CPEB1: variants seen among roughly 807,000 people sequenced by gnomAD.
CPEB1 encodes the protein cytoplasmic polyadenylation element binding protein 1, also known as cytoplasmic polyadenylation element-binding protein 1.
CPEB1 carries 7 observed loss-of-function variants against 65.8 expected under a neutral mutation model. That is an observed-to-expected ratio of 0.11 (90% CI 0.06 to 0.20). CPEB1 has a LOEUF of 0.20. Ranked by LOEUF, CPEB1 falls within the 10% of genes least tolerant of loss-of-function variation. The pLI, the probability that CPEB1 is intolerant of heterozygous loss-of-function variation, is 1.00. For synonymous variants in CPEB1, 262 were observed against 260.0 expected, an observed-to-expected ratio of 1.01 and a Z score of -0.08; for missense variants, 551 against 712.2, an observed-to-expected ratio of 0.77 and a Z score of 2.58.
chr15:82,644,570 G>C (rs1237144873), intron 1 of CPEB1, among the ~76,000 whole-genome samples: 1 of 152,106 alleles, frequency 6.6e-6, no homozygotes, highest in Admixed American at 6.5e-5. Flanking sequence ...ACATTTAAAA[G>C]TCAGGAGATC....
In CPEB1 at chr15:82,614,626, C is replaced by T. The variant is rs962208081; in HGVS notation, c.271+12567G>A. ...ATGAGGGCCTTTTTCAGCTTAGGCACCCAGTTTGAGAGAATGTATTCATTA... is the reference window on the plus strand; with the variant it reads ...ATGAGGGCCTTTTTCAGCTTAGGCATCCAGTTTGAGAGAATGTATTCATTA... On this transcript the variant is annotated intron_variant, in intron 3 of 12. Transcript: ENST00000684509. Among the ~76,000 whole-genome samples, 4 of 151,944 alleles carry T rather than the reference C, an allele frequency of 2.6e-5. No homozygotes were observed. The East Asian group carries it at 7.7e-4, about 29-fold the overall frequency.
chr15:82,580,235 C>A (rs558954858), intron 3 of CPEB1, among the ~76,000 whole-genome samples: 2 of 150,690 alleles, frequency 1.3e-5, no homozygotes, highest in African/African-American at 2.4e-5. Flanking sequence ...GCAGAAGAAT[C>A]GCTTGAAACT....
At chr15:82,618,695 C>T (rs990869072) in intron 3 of CPEB1, among the ~76,000 whole-genome samples, 1 of 151,972 alleles carries the variant, frequency 6.6e-6, no homozygotes, top group Non-Finnish European at 1.5e-5. Context: ...GAAAATGGCA[C>T]TAAAAAACAA....
rs587640004 is a variant in CPEB1, at chr15:82,646,586, G to C, written c.-98+551C>G. On this transcript the variant is annotated intron_variant, in intron 1 of 12. Coordinates refer to ENST00000684509, the MANE Select transcript of CPEB1 (RefSeq NM_001365242.1). ...ACGGTGCAAGGGGCCAGGGCTGCAG[G>C]GAGCAAAGTGCCCCCGAAAAATAAG... Among the ~76,000 whole-genome samples, 75 of 152,282 alleles carry C rather than the reference G, an allele frequency of 4.9e-4. 1 individual carries two copies. The highest frequency in any genetic ancestry group is 1.7e-3 in the African/African-American group (70 of 41,558).
At chr15:82,633,837 A>G (rs975697626) in intron 1 of CPEB1, among the ~76,000 whole-genome samples, 17 of 152,172 alleles carry the variant, frequency 1.1e-4, no homozygotes, top group African/African-American at 4.1e-4. Flanking sequence ...CCACAAAGGA[A>G]AATCCTCCTC....
Position 82,556,095 on chromosome 15 carries a change from G to A in CPEB1, c.715C>T (p.Pro239Ser), listed in dbSNP as rs1177161932. Reference protein sequence around the residue: ...ISSLRISPPLPFLSLSGGGPR... With the variant: ...ISSLRISPPLSFLSLSGGGPR... ...CCACCCCCTGACAGAGACAGGAAGG[G>A]CAGAGGTGGAGAAATGCGAAGGCTT... The change falls in exon 6 of 13, where the codon CCC becomes TCC. Residue 239 changes from proline to serine, a missense_variant. Transcript: ENST00000684509. 4 of 1,608,648 alleles carry A rather than the reference G, an allele frequency of 2.5e-6. No homozygotes were observed. The highest frequency in any genetic ancestry group is 2.2e-5 in the East Asian group (1 of 44,710).
intron 4 of CPEB1, among the ~76,000 whole-genome samples, chr15:82,563,242 C>T (rs2038531581): frequency 6.6e-6 from 1 of 151,536 alleles, no homozygotes; most frequent in South Asian, 2.1e-4. Flanking sequence ...ATTACTGGGT[C>T]ACTTGACAAA....
intron 3 of CPEB1, among the ~76,000 whole-genome samples, chr15:82,618,550 C>T (rs539694315): frequency 6.6e-6 from 1 of 152,164 alleles, no homozygotes; most frequent in Non-Finnish European, 1.5e-5. Context: ...AAACTCACAT[C>T]TCAAAACTAT....
At chr15:82,559,808 G>A (rs1366560254) in intron 4 of CPEB1, among the ~76,000 whole-genome samples, 1 of 152,196 alleles carries the variant, frequency 6.6e-6, no homozygotes, top group Non-Finnish European at 1.5e-5. Context: ...CTTTGGTCGG[G>A]TGTGGTGGCT....
intron 3 of CPEB1, among the ~76,000 whole-genome samples, chr15:82,601,884 G>A (rs149674942): frequency 1.2e-3 from 186 of 152,312 alleles, no homozygotes; most frequent in Non-Finnish European, 2.0e-3. Context: ...CCTAAAAGGA[G>A]AGATAATTGA....
At chr15:82,639,028 A>G (rs1349155649) in intron 1 of CPEB1, among the ~76,000 whole-genome samples, 3 of 152,222 alleles carry the variant, frequency 2.0e-5, no homozygotes, top group Non-Finnish European at 2.9e-5. Context: ...ACCACGTCTT[A>G]GAATTATAAA....
chr15:82,600,357 A>G (rs1342924722), intron 3 of CPEB1, among the ~76,000 whole-genome samples: 1 of 152,230 alleles, frequency 6.6e-6, no homozygotes, highest in Non-Finnish European at 1.5e-5. Context: ...AAGATCATTC[A>G]CTGCCAGCAG....
intron 4 of CPEB1, among the ~76,000 whole-genome samples, chr15:82,563,483 C>T: frequency 6.8e-6 from 1 of 147,824 alleles, no homozygotes; most frequent in Admixed American, 6.8e-5. Flanking sequence ...TAGCTAGCGG[C>T]ATGCCACCAT....
intron 3 of CPEB1, among the ~76,000 whole-genome samples, chr15:82,617,133 G>C (rs981318266): frequency 6.6e-6 from 1 of 152,212 alleles, no homozygotes; most frequent in African/African-American, 2.4e-5. Context: ...GTTGGCATTT[G>C]ATAGAATTCT....
Position 82,543,863 on chromosome 15 carries a change from T to C in CPEB1, c.*729A>G, listed in dbSNP as rs1212320612. 2 of 152,216 alleles carry C rather than the reference T, an allele frequency of 1.3e-5. No homozygotes were observed. Among genetic ancestry groups the C allele is most frequent in the African/African-American group, 4.8e-5 (2 of 41,376 alleles). The allele number at this position is 152,216 out of a possible 1,614,324, so 9.4% of individuals were successfully genotyped here. A position where few individuals can be genotyped will look rare whatever the true frequency, so the allele number is the denominator to read the frequency against. ...TTGCAAATGCCTTGATTTGCAACTG[T>C]GAGAAACAGTGACCAGCAGTCCCCC... On this transcript the variant is annotated 3_prime_UTR_variant, in exon 13 of 13. Coordinates refer to ENST00000684509, the MANE Select transcript of CPEB1 (RefSeq NM_001365242.1).
chr15:82,621,039 A>T (rs767094418), intron 3 of CPEB1, among the ~76,000 whole-genome samples: 20 of 152,316 alleles, frequency 1.3e-4, no homozygotes, highest in African/African-American at 4.8e-4. Context: ...AGGTTCCATA[A>T]AAGTTTATTT....
Position 82,571,341 on chromosome 15 carries a change from C to T in CPEB1, c.460+3G>A. 1 of 1,608,570 alleles carries T rather than the reference C, an allele frequency of 6.2e-7. No individual in the cohort carries two copies. The highest frequency in any genetic ancestry group is 8.5e-7 in the Non-Finnish European group (1 of 1,177,440). On this transcript the variant is annotated splice_donor_region_variant and intron_variant, in intron 4 of 12. Transcript: ENST00000684509. ...CCCAGCCAACTCATTCTCTGGCACT[C>T]ACCCGAGTGTGTGCTGCTCTGGGCT...
intron 4 of CPEB1, among the ~76,000 whole-genome samples, chr15:82,571,004 A>G (rs1827681025): frequency 6.6e-6 from 1 of 151,850 alleles, no homozygotes; most frequent in African/African-American, 2.4e-5. Flanking sequence ...TTGCTTCATC[A>G]TCTCCAAGAC....
At chr15:82,553,795 C>T in intron 7 of CPEB1, 83 bp downstream of exon 7, 15 of 1,014,314 alleles carry the variant, frequency 1.5e-5, no homozygotes, top group Non-Finnish European at 2.2e-5. Context: ...GCATTCAGCC[C>T]CTGGCCTCAA....
Sources: allele counts gnomAD v4.1 joint callset (sites outside exome capture counted in the v4.1 genomes callset), GRCh38; gene constraint gnomAD v4.1.1; transcripts MANE v1.5; gene names NCBI Gene and HGNC (gene_info 2026-07-23, HGNC 2026-07-21).